The following PTPRD variants were observed in gnomAD, a reference collection of about 807,000 sequenced individuals.
PTPRD encodes protein tyrosine phosphatase receptor type D, also known as receptor-type tyrosine-protein phosphatase delta.
In PTPRD, 34 loss-of-function variants were observed where a neutral mutation model predicts 214.5. The observed-to-expected ratio is 0.16, with a 90% CI of 0.12 to 0.21. The LOEUF (loss-of-function observed/expected upper bound fraction) is 0.21. Ranked by LOEUF, PTPRD falls within the 10% of genes least tolerant of loss-of-function variation. The pLI is 1.00. For synonymous variants in PTPRD, 1,128 were observed against 845.7 expected (o/e 1.33, Z -5.79); for missense variants, 2,545 against 2,398.7 (o/e 1.06, Z -1.27).
intron 3 of PTPRD, among the ~76,000 whole-genome samples, chr9:10,092,801 T>C (rs1590944336): frequency 6.6e-6 from 1 of 151,354 alleles, no homozygotes; most frequent in Admixed American, 6.6e-5. Context: ...TAAAGTCACA[T>C]ACCTACAACC....
chr9:10,314,518 G>A (rs1227264363), intron 3 of PTPRD, among the ~76,000 whole-genome samples: 1 of 151,866 alleles, frequency 6.6e-6, no homozygotes, highest in African/African-American at 2.4e-5. Flanking sequence ...AGTTTATGTT[G>A]GCACATCATA....
chr9:9,492,067 A>G (rs776714412), intron 8 of PTPRD, among the ~76,000 whole-genome samples: 3 of 151,908 alleles, frequency 2.0e-5, no homozygotes, highest in Non-Finnish European at 2.9e-5. Context: ...GGGCATTATC[A>G]CCAATTATAC....
At chr9:9,492,609 A>G (rs2095967053) in intron 8 of PTPRD, among the ~76,000 whole-genome samples, 1 of 152,138 alleles carries the variant, frequency 6.6e-6, no homozygotes, top group Non-Finnish European at 1.5e-5. Context: ...TCATCTTTTC[A>G]TAATAAAAAC....
chr9:10,043,021 C>T (rs565358248), intron 3 of PTPRD, among the ~76,000 whole-genome samples: 1 of 151,914 alleles, frequency 6.6e-6, no homozygotes, highest in African/African-American at 2.4e-5. Context: ...AGTTCTAACA[C>T]AAATCAAATG....
chr9:9,282,914 C>A (rs910205169), intron 9 of PTPRD, among the ~76,000 whole-genome samples: 1 of 151,450 alleles, frequency 6.6e-6, no homozygotes, highest in Non-Finnish European at 1.5e-5. Context: ...GTTATGTGAA[C>A]CTTTCAATAT....
chr9:10,104,232 G>GGA (rs1276815401), intron 3 of PTPRD, among the ~76,000 whole-genome samples: 1 of 151,684 alleles, frequency 6.6e-6, no homozygotes, highest in East Asian at 1.9e-4. Flanking sequence ...AAAGAGTTCT[G>GGA]GAGATGGATG....
intron 4 of PTPRD, among the ~76,000 whole-genome samples, chr9:10,018,709 G>A (rs1425483048): frequency 1.3e-5 from 2 of 149,872 alleles, no homozygotes; most frequent in East Asian, 2.0e-4. Context: ...CACTACGCCC[G>A]GCTAATTTTT....
intron 8 of PTPRD, among the ~76,000 whole-genome samples, chr9:9,486,499 A>G (rs957835241): frequency 1.3e-5 from 2 of 150,286 alleles, no homozygotes; most frequent in African/African-American, 4.9e-5. Flanking sequence ...AGACACATAC[A>G]CTCTTATGCT....
chr9:10,404,412 C>T (rs1039332944), intron 2 of PTPRD, among the ~76,000 whole-genome samples: 5 of 151,638 alleles, frequency 3.3e-5, no homozygotes, highest in Admixed American at 1.3e-4. Context: ...GAGAGATAGT[C>T]AAGAGTTATT....
intron 2 of PTPRD, among the ~76,000 whole-genome samples, chr9:10,601,387 C>A (rs1224772479): frequency 6.6e-6 from 1 of 151,490 alleles, no homozygotes; most frequent in East Asian, 2.0e-4. Context: ...GTGGAGGCTA[C>A]CATAAATTTG....
rs534449451 is a variant in PTPRD at position 10,352,983 on chromosome 9, C to T, written c.-599-11966G>A. Among the ~76,000 whole-genome samples, 80 of 151,938 alleles carry T rather than the reference C, an allele frequency of 5.3e-4. 1 individual carries two copies. In the South Asian group the frequency reaches 0.015, roughly 28 times the overall value. Reference sequence around the variant, plus strand: ...ACAGTTTTTGGTTGAGTGAAATACTCATGAAATTGATAAGCCACAGAGGGT... The same window carrying T: ...ACAGTTTTTGGTTGAGTGAAATACTTATGAAATTGATAAGCCACAGAGGGT... On this transcript the variant is annotated intron_variant, in intron 2 of 45. Coordinates refer to ENST00000381196, the MANE Select transcript of PTPRD (RefSeq NM_002839.4).
chr9:10,336,709 A>G (rs1278415399), intron 3 of PTPRD, among the ~76,000 whole-genome samples: 1 of 151,552 alleles, frequency 6.6e-6, no homozygotes, highest in Non-Finnish European at 1.5e-5. Flanking sequence ...AGGGGAGACA[A>G]AAAAGTCGAC....
chr9:8,946,456 G>T (rs1261232908), intron 11 of PTPRD, among the ~76,000 whole-genome samples: 1 of 152,064 alleles, frequency 6.6e-6, no homozygotes, highest in Admixed American at 6.6e-5. Context: ...GTAATACGAG[G>T]TTAATAATAC....
At chr9:8,822,465 T>C (rs80147951) in intron 11 of PTPRD, among the ~76,000 whole-genome samples, 6,777 of 152,268 alleles carry the variant, frequency 0.045, 283 homozygotes, top group African/African-American at 0.096. Flanking sequence ...ATTTGGAAAT[T>C]CTCCCAGAGA....
intron 8 of PTPRD, among the ~76,000 whole-genome samples, chr9:9,544,131 G>A (rs1224083439): frequency 1.3e-5 from 2 of 151,518 alleles, no homozygotes; most frequent in African/African-American, 4.8e-5. Flanking sequence ...TAAATGGTGA[G>A]CATTAGGAAG....
chr9:9,895,248 C>T (rs1418492647), intron 5 of PTPRD, among the ~76,000 whole-genome samples: 5 of 151,758 alleles, frequency 3.3e-5, no homozygotes, highest in African/African-American at 1.2e-4. Context: ...CTGTTTGTTA[C>T]CAGTAAGAGA....
intron 14 of PTPRD, among the ~76,000 whole-genome samples, chr9:8,555,993 T>A (rs559141411): frequency 2.9e-4 from 44 of 152,184 alleles, no homozygotes; most frequent in Non-Finnish European, 5.7e-4. Context: ...CAAGGACAGA[T>A]GGATGTAAAA....
Position 9,852,160 on chromosome 9 carries a change from TA to T in PTPRD, c.-367-85310del, listed in dbSNP as rs200642638. Among the ~76,000 whole-genome samples, 488 of 150,426 alleles carry T rather than the reference TA, an allele frequency of 3.2e-3. 8 individuals carry two copies. The East Asian group carries it at 0.042, about 13-fold the overall frequency. ...AATTATATGGCCAACTGAATCTAAT[TA>T]AAAAAAAAATTTGTTTTTGAAATGA... On this transcript the variant is annotated intron_variant, in intron 5 of 45. Transcript: ENST00000381196.
chr9:9,657,892 T>G (rs1027607847), intron 7 of PTPRD, among the ~76,000 whole-genome samples: 2 of 152,162 alleles, frequency 1.3e-5, no homozygotes, highest in African/African-American at 4.8e-5. Flanking sequence ...AACAGTGAGA[T>G]TTTCCCCCCG....
Sources: allele counts gnomAD v4.1 joint callset (sites outside exome capture counted in the v4.1 genomes callset), GRCh38; gene constraint gnomAD v4.1.1; transcripts MANE v1.5; gene names NCBI Gene and HGNC (gene_info 2026-07-23, HGNC 2026-07-21).